The following GPR158 variants were observed in gnomAD, a reference collection of about 807,000 sequenced individuals.
The protein encoded by GPR158 is metabotropic glycine receptor.
In GPR158, 30 loss-of-function variants were observed where a neutral mutation model predicts 78.2. The ratio of observed to expected loss-of-function variants is 0.38; its 90% CI spans 0.29 to 0.52. GPR158 has a LOEUF of 0.52. GPR158 is among the 20% of genes least tolerant of loss of function. GPR158 has a pLI of 0.83. For synonymous variants in GPR158, 581 were observed against 591.1 expected, an observed-to-expected ratio of 0.98 and a Z score of 0.25; for missense variants, 1,463 against 1,523.5, an observed-to-expected ratio of 0.96 and a Z score of 0.66.
At chr10:25,224,791 G>T (rs752534041) in intron 2 of GPR158, among the ~76,000 whole-genome samples, 2 of 152,028 alleles carry the variant, frequency 1.3e-5, no homozygotes, top group African/African-American at 4.8e-5. Flanking sequence ...GATACAGCTG[G>T]CAATTCTGCA....
At chr10:25,243,489 G>C (rs1853651885) in intron 2 of GPR158, among the ~76,000 whole-genome samples, 1 of 152,148 alleles carries the variant, frequency 6.6e-6, no homozygotes, top group South Asian at 2.1e-4. Context: ...TTTAGCAAAA[G>C]AGTCTATTAA....
intron 1 of GPR158, among the ~76,000 whole-genome samples, chr10:25,188,810 T>G (rs950330124): frequency 7.9e-5 from 12 of 152,030 alleles, no homozygotes; most frequent in African/African-American, 2.2e-4. Context: ...AAGAGCTTCT[T>G]CACAGCAAAA....
intron 5 of GPR158, among the ~76,000 whole-genome samples, chr10:25,497,297 C>T (rs150122335): frequency 1.4e-4 from 21 of 152,288 alleles, no homozygotes; most frequent in African/African-American, 5.1e-4. Context: ...TACATGCCCT[C>T]CTGTGGACTT....
chr10:25,461,284 G>A (rs575865577), intron 4 of GPR158, among the ~76,000 whole-genome samples: 1 of 152,296 alleles, frequency 6.6e-6, no homozygotes, highest in East Asian at 1.9e-4. Context: ...TAGCCGATTT[G>A]TAAATGCAAA....
chr10:25,453,550 AAATT>A (rs1835250518), intron 4 of GPR158, among the ~76,000 whole-genome samples: 2 of 152,194 alleles, frequency 1.3e-5, no homozygotes, highest in Admixed American at 6.5e-5. Flanking sequence ...TTCTTTTAAA[AAATT>A]AATATTCTTA....
intron 2 of GPR158, among the ~76,000 whole-genome samples, chr10:25,266,493 T>TG (rs1246949346): frequency 2.0e-5 from 3 of 152,182 alleles, no homozygotes; most frequent in African/African-American, 2.4e-5. Flanking sequence ...TTCTTTCTAA[T>TG]GGGATTCGGT....
intron 1 of GPR158, among the ~76,000 whole-genome samples, chr10:25,183,441 A>C (rs1203259711): frequency 6.6e-6 from 1 of 152,208 alleles, no homozygotes; most frequent in African/African-American, 2.4e-5. Context: ...GCTCAGAGGA[A>C]ACACAAATTA....
chr10:25,252,246 G>A (rs1853814170), intron 2 of GPR158, among the ~76,000 whole-genome samples: 1 of 150,594 alleles, frequency 6.6e-6, no homozygotes, highest in Non-Finnish European at 1.5e-5. Flanking sequence ...CAACTTCTTT[G>A]CCTTTGGTTT....
intron 2 of GPR158, among the ~76,000 whole-genome samples, chr10:25,275,215 T>C (rs1405564484): frequency 6.6e-6 from 1 of 152,152 alleles, no homozygotes; most frequent in East Asian, 1.9e-4. Context: ...AGTGATGTGT[T>C]TTTAAAAGTG....
intron 6 of GPR158, among the ~76,000 whole-genome samples, chr10:25,559,424 G>A (rs1836833553): frequency 6.6e-6 from 1 of 152,162 alleles, no homozygotes; most frequent in South Asian, 2.1e-4. Context: ...ATGTAGCAAT[G>A]TGTATCAAGA....
At chr10:25,488,614 T>C (rs1835763786) in intron 5 of GPR158, among the ~76,000 whole-genome samples, 1 of 152,172 alleles carries the variant, frequency 6.6e-6, no homozygotes, top group African/African-American at 2.4e-5. Flanking sequence ...GGCTTCGTTT[T>C]GTGGAAAACT....
At chr10:25,579,306 CAAGT>C in intron 7 of GPR158, among the ~76,000 whole-genome samples, 1 of 152,172 alleles carries the variant, frequency 6.6e-6, no homozygotes, top group Admixed American at 6.5e-5. Flanking sequence ...TACAAACTGA[CAAGT>C]AAGTAGAATT....
chr10:25,400,762 T>A (rs1834433074), intron 3 of GPR158, among the ~76,000 whole-genome samples: 1 of 152,208 alleles, frequency 6.6e-6, no homozygotes, highest in East Asian at 1.9e-4. Flanking sequence ...GTGGATATAG[T>A]ACCAGTCTTT....
At chr10:25,195,395 G>A (rs551367859) in intron 1 of GPR158, among the ~76,000 whole-genome samples, 32 of 151,990 alleles carry the variant, frequency 2.1e-4, no homozygotes, top group Admixed American at 1.5e-3. Flanking sequence ...TTGTAGAGTC[G>A]GGGTTTCATC....
rs71399976 is a variant in GPR158, at chr10:25,495,295, C to CTTTTTTT, written c.1404+28590_1404+28596dup. On this transcript the variant is annotated intron_variant, in intron 5 of 10. Transcript: ENST00000376351. The stretch of plus-strand genomic sequence containing the variant: ...TATTTTAAGCTATCATTCTTTTCTG[C>CTTTTTTT]TTTTTTTTTTTTTTTTTTTTGAGAC... Among the ~76,000 whole-genome samples the CTTTTTTT allele has an allele frequency of 7.7e-3, 697 of 91,078 alleles. 21 individuals carry two copies. The highest frequency in any genetic ancestry group is 0.011 in the East Asian group (27 of 2,474). The allele number at this position is 91,078 out of a possible 152,430, so 59.8% of individuals were successfully genotyped here. A position where few individuals can be genotyped will look rare whatever the true frequency, so the allele number is the denominator to read the frequency against.
At chr10:25,178,443 G>A (rs538274811) in intron 1 of GPR158, among the ~76,000 whole-genome samples, 11 of 152,306 alleles carry the variant, frequency 7.2e-5, no homozygotes, top group African/African-American at 2.6e-4. Context: ...ATATGGATCA[G>A]AAAGCATAGG....
chr10:25,539,922 C>T (rs1272729209), intron 5 of GPR158, among the ~76,000 whole-genome samples: 1 of 152,138 alleles, frequency 6.6e-6, no homozygotes, highest in Admixed American at 6.6e-5. Context: ...GGAAGCACAT[C>T]TCTTGCCAAA....
chr10:25,587,546 G>A (rs987145331), intron 7 of GPR158, among the ~76,000 whole-genome samples: 1 of 152,144 alleles, frequency 6.6e-6, no homozygotes, highest in African/African-American at 2.4e-5. Flanking sequence ...GTAATTCCAT[G>A]GACAGAAATA....
At chr10:25,539,659 G>C (rs1363758087) in intron 5 of GPR158, among the ~76,000 whole-genome samples, 3 of 151,356 alleles carry the variant, frequency 2.0e-5, no homozygotes, top group Non-Finnish European at 4.4e-5. Flanking sequence ...TGTTACTTCT[G>C]TATTACTATG....
Sources: allele counts gnomAD v4.1 joint callset (sites outside exome capture counted in the v4.1 genomes callset), GRCh38; gene constraint gnomAD v4.1.1; transcripts MANE v1.5; gene names NCBI Gene and HGNC (gene_info 2026-07-23, HGNC 2026-07-21).